Variants in VPS53 observed in about 807,000 individuals in gnomAD.
VPS53 encodes VPS53 subunit of GARP complex, also known as vacuolar protein sorting-associated protein 53 homolog.
Under a neutral mutation model 107.0 loss-of-function variants are expected in VPS53, and 70 were observed. The ratio of observed to expected loss-of-function variants is 0.65; its 90% CI spans 0.54 to 0.80. VPS53 has a LOEUF of 0.80. VPS53 is among the 30% of genes least tolerant of loss of function. VPS53 has a pLI of 0.00. For missense variants in VPS53, 917 were observed against 1,049.4 expected, an observed-to-expected ratio of 0.87 and a Z score of 1.74; for synonymous variants, 409 against 393.3, an observed-to-expected ratio of 1.04 and a Z score of -0.47.
At chr17:677,632 C>A (rs573703954) in intron 4 of VPS53, among the ~76,000 whole-genome samples, 4 of 151,866 alleles carry the variant, frequency 2.6e-5, no homozygotes, top group African/African-American at 4.8e-5. Flanking sequence ...ACATATTTTA[C>A]AAGGTTTAAA....
chr17:666,915 T>C (rs989849769), intron 4 of VPS53, among the ~76,000 whole-genome samples: 1 of 151,410 alleles, frequency 6.6e-6, no homozygotes, highest in Non-Finnish European at 1.5e-5. Context: ...CAAGACTCCA[T>C]CTCAAAAAAA....
chr17:619,273 C>T (rs1969334773), intron 11 of VPS53, among the ~76,000 whole-genome samples: 1 of 149,690 alleles, frequency 6.7e-6, no homozygotes. Context: ...CACGTGTGCA[C>T]CACCACACCT....
chr17:538,017 C>G (rs763651122), intron 17 of VPS53: 2 of 152,238 alleles, frequency 1.3e-5, no homozygotes, highest in African/African-American at 2.4e-5. Flanking sequence ...CTGAGAGCAC[C>G]GAGGTGGTCC....
chr17:676,934 A>G (rs1259150006), intron 4 of VPS53, among the ~76,000 whole-genome samples: 2 of 152,046 alleles, frequency 1.3e-5, no homozygotes, highest in African/African-American at 2.4e-5. Flanking sequence ...CATGTTGTCT[A>G]TATTAATTAA....
chr17:639,928 G>C (rs1214913846), intron 7 of VPS53, among the ~76,000 whole-genome samples: 1 of 152,212 alleles, frequency 6.6e-6, no homozygotes, highest in Non-Finnish European at 1.5e-5. Context: ...CTTCAAAGCT[G>C]TCAGACAGGG....
intron 13 of VPS53, among the ~76,000 whole-genome samples, chr17:571,068 C>G (rs2151864178): frequency 6.6e-6 from 1 of 152,204 alleles, no homozygotes; most frequent in East Asian, 1.9e-4. Flanking sequence ...TCTGTAATCT[C>G]AACACTTTGG....
At position 672,175 on chromosome 17, in the gene VPS53, A is replaced by ATCTCTCTCTCTCTCTCTCTCTCTC. The variant is rs10539620; in HGVS notation, c.286-10304_286-10281dup. Among the ~76,000 whole-genome samples the ATCTCTCTCTCTCTCTCTCTCTCTC allele has an allele frequency of 3.5e-4, 38 of 107,156 alleles. 2 individuals are homozygous for ATCTCTCTCTCTCTCTCTCTCTCTC. The highest frequency in any genetic ancestry group is 4.4e-3 in the Middle Eastern group (1 of 226). The allele number at this position is 107,156 out of a possible 152,430, so 70.3% of individuals were successfully genotyped here. On this transcript the variant is annotated intron_variant, in intron 4 of 21. Transcript: ENST00000437048. ...ACAATCTCTCTCTCACACAATCTCA[A>ATCTCTCTCTCTCTCTCTCTCTCTC]TCTCTCTCTCTCTCTCTCTCTCTCT...
At chr17:654,268 G>GT (rs1182731169) in intron 6 of VPS53, among the ~76,000 whole-genome samples, 1 of 152,176 alleles carries the variant, frequency 6.6e-6, no homozygotes, top group Non-Finnish European at 1.5e-5. Context: ...TAAGGCGTCT[G>GT]TATCACAGAC....
At chr17:533,847 T>A (rs973604968) in intron 18 of VPS53, among the ~76,000 whole-genome samples, 1 of 152,006 alleles carries the variant, frequency 6.6e-6, no homozygotes, top group African/African-American at 2.4e-5. Flanking sequence ...CATAAACTTT[T>A]TTTTTTTTTT....
At chr17:522,087 C>G (rs1051929163) in intron 19 of VPS53, among the ~76,000 whole-genome samples, 4 of 152,076 alleles carry the variant, frequency 2.6e-5, no homozygotes, top group Non-Finnish European at 5.9e-5. Flanking sequence ...AACCCCGCCT[C>G]TACAAAAAAT....
intron 15 of VPS53, 149 bp downstream of exon 15, chr17:560,277 G>A (rs749920766): frequency 3.8e-6 from 4 of 1,053,024 alleles, no homozygotes; most frequent in Non-Finnish European, 4.0e-6. Flanking sequence ...CCTTATGGCT[G>A]GACACTGAGC....
intron 7 of VPS53, among the ~76,000 whole-genome samples, chr17:633,353 G>A (rs1194104850): frequency 6.6e-6 from 1 of 152,176 alleles, no homozygotes; most frequent in Non-Finnish European, 1.5e-5. Flanking sequence ...TGAGCCTGAG[G>A]CAAATACTGT....
intron 6 of VPS53, among the ~76,000 whole-genome samples, 160 bp from the exon 7 acceptor site, chr17:653,570 A>C (rs1248245984): frequency 6.6e-6 from 1 of 152,176 alleles, no homozygotes; most frequent in Non-Finnish European, 1.5e-5. Context: ...TGGGAGGAAA[A>C]AACAGGATCT....
intron 17 of VPS53, among the ~76,000 whole-genome samples, chr17:541,484 G>C (rs1177684592): frequency 8.6e-6 from 1 of 116,540 alleles, no homozygotes; most frequent in Non-Finnish European, 1.7e-5. Context: ...CCATGCACCA[G>C]GGGCTGAAAG....
chr17:588,219 G>A (rs1448811066), intron 12 of VPS53, among the ~76,000 whole-genome samples: 1 of 152,186 alleles, frequency 6.6e-6, no homozygotes, highest in Non-Finnish European at 1.5e-5. Context: ...TTGAGAGGCT[G>A]AGGTAGAAAA....
rs1381759138 is a variant in VPS53 at position 661,860 on chromosome 17, G to A, written c.321C>T (p.Leu107=). ...CTTTGATATCTTTGATTTTGCCAAAGAGTTGTTGGATAGCTTTCTGAGCCT... is the reference window on the plus strand; with the variant it reads ...CTTTGATATCTTTGATTTTGCCAAAAAGTTGTTGGATAGCTTTCTGAGCCT... ...LEEAQKAIQQ[L]FGKIKDIKDK... is the part of the protein sequence containing the mutation. The change falls in exon 5 of 22, where the codon CTC becomes CTT. Residue 107 remains leucine, a synonymous_variant. Transcript: ENST00000437048. 1.3e-6 allele frequency: 2 copies of A among 1,552,188 alleles called. No homozygotes were observed. Among genetic ancestry groups the A allele is most frequent in the Admixed American group, 3.9e-5 (2 of 50,984 alleles).
chr17:631,473 A>C lies in VPS53; in HGVS notation c.687+77T>G, dbSNP rs577289094. The C allele has an allele frequency of 2.5e-4, 363 of 1,457,700 alleles. 6 individuals carry two copies. In the South Asian group the frequency reaches 3.8e-3, roughly 15 times the overall value. The allele number at this position is 1,457,700 out of a possible 1,614,324, so 90.3% of individuals were successfully genotyped here. On this transcript the variant is annotated intron_variant, in intron 8 of 21. Coordinates refer to ENST00000437048, the MANE Select transcript of VPS53 (RefSeq NM_001128159.3). Reference sequence around the variant, plus strand: ...AGCGAGCATGACTGGAATGATAACCACATGGTGACTGGGGTGAGCGTGAGC... The same window carrying C: ...AGCGAGCATGACTGGAATGATAACCCCATGGTGACTGGGGTGAGCGTGAGC...
At chr17:678,149 C>T (rs932946932) in intron 4 of VPS53, among the ~76,000 whole-genome samples, 2 of 152,098 alleles carry the variant, frequency 1.3e-5, no homozygotes, top group Non-Finnish European at 2.9e-5. Context: ...GGCCCGGTGG[C>T]TCACGCCTGA....
At chr17:604,789 C>T (rs1968488205) in intron 11 of VPS53, among the ~76,000 whole-genome samples, 1 of 152,176 alleles carries the variant, frequency 6.6e-6, no homozygotes, top group Non-Finnish European at 1.5e-5. Flanking sequence ...GCTCCTAGCT[C>T]ACTCATTTGT....
Sources: allele counts gnomAD v4.1 joint callset (sites outside exome capture counted in the v4.1 genomes callset), GRCh38; gene constraint gnomAD v4.1.1; transcripts MANE v1.5; gene names NCBI Gene and HGNC (gene_info 2026-07-23, HGNC 2026-07-21).